The following COL6A5 variants were observed in gnomAD, a reference collection of about 807,000 sequenced individuals.
The protein encoded by COL6A5 is collagen alpha-5(VI) chain.
A neutral mutation model predicts 65.6 loss-of-function variants in COL6A5; 48 were observed. That is an observed-to-expected ratio of 0.73 (90% CI 0.58 to 0.93). The LOEUF (loss-of-function observed/expected upper bound fraction) is 0.93. Among genes scored for constraint, COL6A5 ranks in the 40% least tolerant of loss-of-function variants. The pLI, the probability that COL6A5 is intolerant of heterozygous loss-of-function variation, is 0.00. For missense variants in COL6A5, 914 were observed against 928.3 expected, an observed-to-expected ratio of 0.98 and a Z score of 0.20; for synonymous variants, 291 against 322.8, an observed-to-expected ratio of 0.90 and a Z score of 1.05.
At chr3:130,376,148 A>G in intron 2 of COL6A5, 89 bp from the exon 3 acceptor site, 1 of 1,335,446 alleles carries the variant, frequency 7.5e-7, no homozygotes, top group South Asian at 1.8e-5. Flanking sequence ...TACACTTAAC[A>G]CCAGCACATA....
chr3:130,352,598 G>T (rs1351321471), intron 1 of COL6A5, among the ~76,000 whole-genome samples: 1 of 152,100 alleles, frequency 6.6e-6, no homozygotes, highest in Non-Finnish European at 1.5e-5. Context: ...TCAAGTTGAG[G>T]CTCAGAATGA....
At chr3:130,385,254 T>C (rs1936144764) in exon 5 of COL6A5, 1 of 1,550,764 alleles carries the variant, frequency 6.4e-7, no homozygotes. Flanking sequence ...GCTAATAAAA[T>C]AGAACTGCAA....
intron 8 of COL6A5, among the ~76,000 whole-genome samples, chr3:130,396,593 G>A (rs1393176664): frequency 1.3e-5 from 2 of 152,232 alleles, no homozygotes; most frequent in Non-Finnish European, 2.9e-5. Context: ...CATTCACACT[G>A]AAGGTTCTAC....
chr3:130,357,986 G>A (rs1039960784), intron 1 of COL6A5, among the ~76,000 whole-genome samples: 4 of 151,918 alleles, frequency 2.6e-5, no homozygotes, highest in Non-Finnish European at 5.9e-5. Context: ...TCAGGTGATC[G>A]AGACCATCCT....
At chr3:130,483,970 C>T in intron 7 of COL6A5, 65 bp from the exon 41 acceptor site, 1 of 1,450,684 alleles carries the variant, frequency 6.9e-7, no homozygotes, top group South Asian at 1.2e-5. Flanking sequence ...AGGAGTAGGC[C>T]CTGGAGGAAC....
intron 4 of COL6A5, among the ~76,000 whole-genome samples, chr3:130,453,013 G>A (rs1052148792): frequency 1.3e-5 from 2 of 152,162 alleles, no homozygotes; most frequent in Non-Finnish European, 2.9e-5. Context: ...TACCTCTCTT[G>A]TTCCCTGAAC....
At chr3:130,458,246 G>T (rs531322576) in intron 5 of COL6A5, among the ~76,000 whole-genome samples, 3 of 152,014 alleles carry the variant, frequency 2.0e-5, no homozygotes, top group South Asian at 2.1e-4. Context: ...AGAATTATCT[G>T]GAAGCTCATT....
At chr3:130,383,195 T>C (rs1248001399) in intron 4 of COL6A5, among the ~76,000 whole-genome samples, 1 of 152,136 alleles carries the variant, frequency 6.6e-6, no homozygotes, top group African/African-American at 2.4e-5. Flanking sequence ...ATTCTGTATC[T>C]ATGCTAATAG....
chr3:130,472,026 G>A, intron 7 of COL6A5, 100 bp downstream of exon 40: 1 of 1,150,598 alleles, frequency 8.7e-7, no homozygotes, highest in South Asian at 1.6e-5. Flanking sequence ...GAGAGGTAGA[G>A]ATGACAGGAT....
At chr3:130,422,349 C>T (rs1937532559) in intron 27 of COL6A5, among the ~76,000 whole-genome samples, 1 of 145,280 alleles carries the variant, frequency 6.9e-6, no homozygotes, top group African/African-American at 2.5e-5. Context: ...ATTATTTTCA[C>T]CTCAACTTTT....
intron 5 of COL6A5, among the ~76,000 whole-genome samples, chr3:130,464,721 A>T (rs532804282): frequency 8.5e-5 from 13 of 152,120 alleles, no homozygotes; most frequent in Non-Finnish European, 1.5e-4. Flanking sequence ...TTTGTTGTTT[A>T]ATCAGGGACC....
chr3:130,477,407 C>A, intron 7 of COL6A5: 1 of 209,916 alleles, frequency 4.8e-6, no homozygotes, highest in Non-Finnish European at 9.4e-6. Context: ...TTTCACCTGT[C>A]CATTTGTTTG....
chr3:130,452,617 G>A (rs1709471926), intron 4 of COL6A5, among the ~76,000 whole-genome samples: 1 of 152,168 alleles, frequency 6.6e-6, no homozygotes, highest in Non-Finnish European at 1.5e-5. Flanking sequence ...TGGAGGCAGG[G>A]CGAGATCACA....
chr3:130,439,693 C>T, intron 2 of COL6A5, 78 bp downstream of exon 34: 1 of 966,624 alleles, frequency 1.0e-6, no homozygotes, highest in Non-Finnish European at 1.6e-6. Context: ...TGGTTTTATC[C>T]AGAGATTTCT....
rs1429940109 is a variant in COL6A5, at chr3:130,415,722, G to T, written c.4824+15G>T. On this transcript the variant is annotated intron_variant and NMD_transcript_variant, in intron 23 of 41. Transcript: ENST00000312481. ...AAGGACCTCAGGTGAGTGACTCGGA[G>T]ACATTAGGCTCAATGACTCTCAACA... 1 of 1,536,352 alleles carries T rather than the reference G, an allele frequency of 6.5e-7. No homozygotes were observed. Among genetic ancestry groups the T allele is most frequent in the Non-Finnish European group, 8.8e-7 (1 of 1,138,582 alleles).
At chr3:130,357,872 G>A (rs1303017550) in intron 1 of COL6A5, among the ~76,000 whole-genome samples, 1 of 152,064 alleles carries the variant, frequency 6.6e-6, no homozygotes, top group Non-Finnish European at 1.5e-5. Context: ...CATAACATGT[G>A]TAATGAAGAA....
At chr3:130,391,278 A>G (rs1425994838) in exon 7 of COL6A5, 2 of 1,551,662 alleles carry the variant, frequency 1.3e-6, no homozygotes, top group Non-Finnish European at 1.7e-6. Flanking sequence ...CTAACTATCC[A>G]TTTGGTGAAG....
At chr3:130,426,426 G>C in intron 31 of COL6A5, 23 bp downstream of exon 31, 5 of 1,550,640 alleles carry the variant, frequency 3.2e-6, no homozygotes, top group Non-Finnish European at 4.4e-6. Context: ...TACGGAACAA[G>C]AGCATCCATC....
intron 1 of COL6A5, among the ~76,000 whole-genome samples, chr3:130,435,405 A>T (rs1328574796): frequency 6.6e-6 from 1 of 152,030 alleles, no homozygotes; most frequent in African/African-American, 2.4e-5. Context: ...TTTGCTTAGG[A>T]TTGTCTTGGC....
Sources: allele counts gnomAD v4.1 joint callset (sites outside exome capture counted in the v4.1 genomes callset), GRCh38; gene constraint gnomAD v4.1.1; transcripts MANE v1.5; gene names NCBI Gene and HGNC (gene_info 2026-07-23, HGNC 2026-07-21).